The following OPRM1 variants were observed in gnomAD, a reference collection of about 807,000 sequenced individuals.
The protein encoded by OPRM1 is mu-type opioid receptor.
OPRM1 carries 27 observed loss-of-function variants against 31.8 expected under a neutral mutation model. The ratio of observed to expected loss-of-function variants is 0.85; its 90% CI spans 0.63 to 1.17. The LOEUF is 1.17. OPRM1 is among the 50% of genes most tolerant of loss of function. The pLI is 0.00. For missense variants in OPRM1, 536 were observed against 511.1 expected, an observed-to-expected ratio of 1.05 and a Z score of -0.47; for synonymous variants, 196 against 189.9, an observed-to-expected ratio of 1.03 and a Z score of -0.26.
At chr6:154,152,290 AAGAGAG>A in intron 3 of OPRM1, among the ~76,000 whole-genome samples, 1 of 146,992 alleles carries the variant, frequency 6.8e-6, no homozygotes, top group South Asian at 2.2e-4. Flanking sequence ...AAAGAAAAGG[AAGAGAG>A]AAGAAAGAAA....
intron 1 of OPRM1, among the ~76,000 whole-genome samples, chr6:154,029,097 C>T (rs986953060): frequency 1.3e-5 from 2 of 152,186 alleles, no homozygotes; most frequent in African/African-American, 4.8e-5. Flanking sequence ...AGTAGCCCTT[C>T]TCTTGTAGGG....
chr6:154,020,280 A>C (rs1778286809), intron 1 of OPRM1, among the ~76,000 whole-genome samples: 1 of 152,110 alleles, frequency 6.6e-6, no homozygotes, highest in Non-Finnish European at 1.5e-5. Flanking sequence ...AAATTGCCAA[A>C]CTGTTTTCAA....
At chr6:154,027,475 C>A (rs1176426399) in intron 1 of OPRM1, among the ~76,000 whole-genome samples, 1 of 152,142 alleles carries the variant, frequency 6.6e-6, no homozygotes, top group Admixed American at 6.5e-5. Flanking sequence ...ATAACAATTC[C>A]CTGGCTGTGG....
rs139885239 is a variant in OPRM1 at position 154,200,631 on chromosome 6, G to A, written c.1165-46062G>A. On this transcript the variant is annotated intron_variant, in intron 3 of 3. Transcript: ENST00000337049. ...AGCTATTCAGGAGACTGAGGCAGGA[G>A]AATCACTTGAACCTGGGAGGCAGAG... 4.6e-5 allele frequency among the ~76,000 whole-genome samples: 7 copies of A among 152,242 alleles called. No individual in the cohort carries two copies. In the East Asian group the frequency reaches 1.4e-3, roughly 29 times the overall value.
Position 154,109,696 on chromosome 6 carries a change from C to T in OPRM1, c.1165-8987C>T, listed in dbSNP as rs555274877. ...ACAAGTGTTAGGAAATGTGGCCTAC[C>T]TTATTTTGGTCATGGGGACTGATAA... On this transcript the variant is annotated intron_variant, in intron 3 of 3. Coordinates refer to ENST00000330432, the MANE Select transcript of OPRM1 (RefSeq NM_000914.5). 2.0e-5 allele frequency among the ~76,000 whole-genome samples: 3 copies of T among 151,750 alleles called. No individual in the cohort carries two copies. In the East Asian group the frequency reaches 5.8e-4, roughly 29 times the overall value.
chr6:154,104,337 A>C (rs1206489230), intron 3 of OPRM1, among the ~76,000 whole-genome samples: 6 of 152,266 alleles, frequency 3.9e-5, no homozygotes, highest in Admixed American at 3.9e-4. Flanking sequence ...AATATATTCC[A>C]AAAGAGTAAA....
At chr6:154,099,867 A>T (rs955035475) in intron 3 of OPRM1, among the ~76,000 whole-genome samples, 1 of 145,978 alleles carries the variant, frequency 6.9e-6, no homozygotes, top group Non-Finnish European at 1.5e-5. Flanking sequence ...ATATATTATC[A>T]TATGATATAT....
chr6:154,201,681 G>A (rs1777081654), intron 3 of OPRM1, among the ~76,000 whole-genome samples: 2 of 152,136 alleles, frequency 1.3e-5, no homozygotes, highest in Non-Finnish European at 2.9e-5. Context: ...GATCTCTTGA[G>A]GTGAGGAGTT....
intron 3 of OPRM1, chr6:154,222,878 TC>T: frequency 5.0e-6 from 2 of 399,654 alleles, no homozygotes; most frequent in Non-Finnish European, 9.3e-6. Context: ...ACATCTGACC[TC>T]CCTGCCAGTC....
rs200663220 is a variant in OPRM1, at chr6:154,091,371, C to A, written c.1063C>A (p.Pro355Thr). 14 of 1,614,056 alleles carry A rather than the reference C, an allele frequency of 8.7e-6. No homozygotes were observed. The highest frequency in any genetic ancestry group is 5.9e-6 in the Non-Finnish European group (7 of 1,180,038). The change falls in exon 3 of 4, where the codon CCA becomes ACA. Residue 355 changes from proline (P) to threonine (T), a missense_variant. Pro to Thr is a conservative substitution (Grantham distance 38, BLOSUM62 -1). Coordinates refer to ENST00000330432, the MANE Select transcript of OPRM1 (RefSeq NM_000914.5). ...ACGATGCTTCAGAGAGTTCTGTATC[C>A]CAACCTCTTCCAACATTGAGCAACA... ...FKRCFREFCI[P>T]TSSNIEQQNS...
chr6:154,096,490 C>T (rs1448974974), intron 3 of OPRM1, among the ~76,000 whole-genome samples: 3 of 151,958 alleles, frequency 2.0e-5, no homozygotes, highest in Non-Finnish European at 4.4e-5. Context: ...AAAGTAATTG[C>T]GGGTTTTGCC....
At position 154,112,842 on chromosome 6, in the gene OPRM1, G is replaced by A. The variant is rs1221777270; in HGVS notation, c.1165-5841G>A. ...ACCAAATCTGTTTCCACTTATTTCA[G>A]TCAATACTAGATTAGGGCTATTGTC... On this transcript the variant is annotated intron_variant, in intron 3 of 3. Coordinates refer to ENST00000330432, the MANE Select transcript of OPRM1 (RefSeq NM_000914.5). 3.3e-5 allele frequency among the ~76,000 whole-genome samples: 5 copies of A among 152,258 alleles called. No individual in the cohort carries two copies. In the East Asian group the frequency reaches 9.6e-4, roughly 29 times the overall value.
chr6:154,152,208 AGAAG>A (rs1456102109), intron 3 of OPRM1, among the ~76,000 whole-genome samples: 11 of 150,502 alleles, frequency 7.3e-5, no homozygotes, highest in African/African-American at 1.7e-4. Flanking sequence ...AGAGAAAGAA[AGAAG>A]GAAGAAAGAA....
chr6:154,143,851 A>G (rs1027593429), intron 3 of OPRM1, among the ~76,000 whole-genome samples: 32 of 152,308 alleles, frequency 2.1e-4, no homozygotes, highest in African/African-American at 7.2e-4. Context: ...AAACAGAAAA[A>G]CAATAGAGAA....
intron 1 of OPRM1, among the ~76,000 whole-genome samples, chr6:154,076,629 C>A (rs1787938754): frequency 6.6e-6 from 1 of 152,204 alleles, no homozygotes; most frequent in Non-Finnish European, 1.5e-5. Flanking sequence ...CACCACCTTT[C>A]AGACCAGCAC....
chr6:154,072,353 C>T (rs1192827404), intron 1 of OPRM1, among the ~76,000 whole-genome samples: 2 of 152,174 alleles, frequency 1.3e-5, no homozygotes, highest in East Asian at 3.9e-4. Flanking sequence ...ATAGATAAAA[C>T]AGATACTACT....
intron 3 of OPRM1, among the ~76,000 whole-genome samples, chr6:154,194,881 T>C (rs1324400415): frequency 6.6e-6 from 1 of 152,082 alleles, no homozygotes; most frequent in East Asian, 1.9e-4. Context: ...TGATCATATA[T>C]TCAAGGTTTT....
intron 3 of OPRM1, among the ~76,000 whole-genome samples, chr6:154,116,351 C>T (rs960667709): frequency 3.9e-5 from 6 of 151,900 alleles, no homozygotes; most frequent in Non-Finnish European, 7.4e-5. Context: ...TTTTGAAGGC[C>T]GAGGCAAGTA....
intron 3 of OPRM1, among the ~76,000 whole-genome samples, chr6:154,106,439 G>A (rs549899803): frequency 6.6e-5 from 10 of 152,328 alleles, no homozygotes; most frequent in African/African-American, 2.4e-4. Flanking sequence ...AACTCCGCAT[G>A]TCCCCAGACC....
Sources: allele counts gnomAD v4.1 joint callset (sites outside exome capture counted in the v4.1 genomes callset), GRCh38; gene constraint gnomAD v4.1.1; transcripts MANE v1.5; gene names NCBI Gene and HGNC (gene_info 2026-07-23, HGNC 2026-07-21).